SCARA5: variants seen among roughly 807,000 people sequenced by gnomAD.
The protein encoded by SCARA5 is scavenger receptor class A member 5.
SCARA5 carries 45 observed loss-of-function variants against 46.3 expected under a neutral mutation model. That is an observed-to-expected ratio of 0.97 (90% CI 0.76 to 1.24). The LOEUF (loss-of-function observed/expected upper bound fraction) is 1.24. Ranked by LOEUF, SCARA5 falls within the 50% of genes most tolerant of loss-of-function variation. SCARA5 has a pLI of 0.00. For missense variants in SCARA5, 680 were observed against 689.0 expected (o/e 0.99, Z 0.15); for synonymous variants, 333 against 306.5 (o/e 1.09, Z -0.90).
intron 7 of SCARA5, among the ~76,000 whole-genome samples, chr8:27,885,737 C>T (rs1480879892): frequency 6.6e-6 from 1 of 152,138 alleles, no homozygotes; most frequent in Admixed American, 6.5e-5. Flanking sequence ...GATTCTGGAC[C>T]CAGAGCTCAG....
intron 3 of SCARA5, among the ~76,000 whole-genome samples, chr8:27,965,766 GC>G (rs1386546808): frequency 6.6e-6 from 1 of 152,208 alleles, no homozygotes; most frequent in Non-Finnish European, 1.5e-5. Context: ...GACCACTACA[GC>G]CATCTGCTTC....
intron 1 of SCARA5, 50 bp downstream of exon 1, chr8:27,992,206 CT>C (rs934065021): frequency 6.6e-6 from 1 of 152,320 alleles, no homozygotes; most frequent in African/African-American, 2.4e-5. Context: ...CTCCAGCTGT[CT>C]TTGAGACAGC....
intron 4 of SCARA5, among the ~76,000 whole-genome samples, chr8:27,914,922 C>A (rs1214298854): frequency 6.6e-6 from 1 of 152,188 alleles, no homozygotes; most frequent in Non-Finnish European, 1.5e-5. Flanking sequence ...CATGCCTTCT[C>A]CCTTCCCTGA....
At chr8:27,965,100 G>C (rs1808348206) in intron 3 of SCARA5, among the ~76,000 whole-genome samples, 1 of 152,276 alleles carries the variant, frequency 6.6e-6, no homozygotes, top group South Asian at 2.1e-4. Flanking sequence ...CGTTGTTGCT[G>C]TTGGCTGCCC....
At chr8:27,984,953 A>T (rs981913592) in intron 2 of SCARA5, among the ~76,000 whole-genome samples, 4 of 152,054 alleles carry the variant, frequency 2.6e-5, no homozygotes, top group Non-Finnish European at 4.4e-5. Flanking sequence ...TCATTCATCC[A>T]TCTATCCATT....
Position 27,892,358 on chromosome 8 carries a change from T to C in SCARA5, c.1153+12420A>G, listed in dbSNP as rs188186846. Among the ~76,000 whole-genome samples, 2 of 152,126 alleles carry C rather than the reference T, an allele frequency of 1.3e-5. 1 individual carries two copies. The highest frequency in any genetic ancestry group is 2.9e-5 in the Non-Finnish European group (2 of 67,996). Reference sequence around the variant, plus strand: ...CATTACTTGAAATGACCCGGATGAGTCTCTGGTTCTTGGGACTGGAAAAGC... The same window carrying C: ...CATTACTTGAAATGACCCGGATGAGCCTCTGGTTCTTGGGACTGGAAAAGC... On this transcript the variant is annotated intron_variant, in intron 7 of 8. Transcript: ENST00000354914.
intron 8 of SCARA5, among the ~76,000 whole-genome samples, chr8:27,874,371 G>A (rs1806690244): frequency 6.6e-6 from 1 of 152,216 alleles, no homozygotes; most frequent in South Asian, 2.1e-4. Context: ...GGCCTCTCAT[G>A]TTCGGCCAGT....
rs143697875 is a variant in SCARA5, at chr8:27,875,917, C to T, written c.1351+3652G>A. On this transcript the variant is annotated intron_variant, in intron 8 of 8. Transcript: ENST00000354914. Reference sequence around the variant, plus strand: ...TCAGGAGGCTGAGGCAGGAGGATTGCTTGAGCCTGGGAGGTCGAGGCTGCA... The same window carrying T: ...TCAGGAGGCTGAGGCAGGAGGATTGTTTGAGCCTGGGAGGTCGAGGCTGCA... Among the ~76,000 whole-genome samples the T allele has an allele frequency of 1.5e-3, 235 of 152,270 alleles. 1 individual carries two copies. Among genetic ancestry groups the T allele is most frequent in the African/African-American group, 5.3e-3 (221 of 41,548 alleles).
At chr8:27,933,720 A>C (rs956220782) in intron 3 of SCARA5, among the ~76,000 whole-genome samples, 1 of 152,198 alleles carries the variant, frequency 6.6e-6, no homozygotes, top group Non-Finnish European at 1.5e-5. Flanking sequence ...ATTATTAGGA[A>C]AATTTTCAAA....
At chr8:27,907,012 A>C in intron 6 of SCARA5, 136 bp downstream of exon 6, 1 of 553,252 alleles carries the variant, frequency 1.8e-6, no homozygotes, top group Admixed American at 3.0e-5. Flanking sequence ...TGCTTTAACA[A>C]GATGAAGAGA....
At chr8:27,904,220 G>T (rs1807213907) in intron 7 of SCARA5, 3 of 154,868 alleles carry the variant, frequency 1.9e-5, no homozygotes, top group Admixed American at 1.9e-4. Flanking sequence ...ATGCCACTTT[G>T]TCTCTGCACC....
intron 2 of SCARA5, among the ~76,000 whole-genome samples, chr8:27,974,179 C>T (rs34806597): frequency 0.19 from 29,504 of 152,068 alleles, 3,266 homozygotes; most frequent in Non-Finnish European, 0.26. Context: ...CACAGTGCTT[C>T]GGGGGAAAAG....
chr8:27,944,523 C>T (rs983882248), intron 3 of SCARA5, among the ~76,000 whole-genome samples: 47 of 152,168 alleles, frequency 3.1e-4, no homozygotes, highest in African/African-American at 1.1e-3. Context: ...ATATAGCACT[C>T]TTTATAGCTT....
intron 2 of SCARA5, among the ~76,000 whole-genome samples, chr8:27,968,944 T>C (rs1330429579): frequency 6.6e-6 from 1 of 152,220 alleles, no homozygotes; most frequent in African/African-American, 2.4e-5. Context: ...AACACAGACC[T>C]TCCTTTGAGA....
intron 3 of SCARA5, among the ~76,000 whole-genome samples, chr8:27,941,239 G>T (rs1419180107): frequency 1.3e-5 from 2 of 152,174 alleles, no homozygotes; most frequent in African/African-American, 4.8e-5. Context: ...TTTAGATTTA[G>T]AATAGACTCT....
At chr8:27,873,722 A>C (rs1423481017) in intron 8 of SCARA5, among the ~76,000 whole-genome samples, 1 of 152,222 alleles carries the variant, frequency 6.6e-6, no homozygotes, top group East Asian at 1.9e-4. Context: ...GAAAAAAAAG[A>C]AAGAAAGGCA....
chr8:27,924,384 G>A (rs755525851), intron 3 of SCARA5, among the ~76,000 whole-genome samples: 37 of 152,228 alleles, frequency 2.4e-4, no homozygotes, highest in Non-Finnish European at 5.0e-4. Flanking sequence ...GCCATGGAAA[G>A]ATCAGCTGTT....
chr8:27,945,557 G>T (rs932465580), intron 3 of SCARA5, among the ~76,000 whole-genome samples: 1 of 152,152 alleles, frequency 6.6e-6, no homozygotes, highest in African/African-American at 2.4e-5. Flanking sequence ...ACTACATAAA[G>T]ATTTATGAAG....
At chr8:27,937,378 G>A (rs1260823118) in intron 3 of SCARA5, among the ~76,000 whole-genome samples, 2 of 152,194 alleles carry the variant, frequency 1.3e-5, no homozygotes, top group Non-Finnish European at 2.9e-5. Context: ...GGACAGGAGT[G>A]GGCAGGTAAG....
Sources: gnomAD v4.1 joint callset for allele counts (sites outside exome capture counted in the v4.1 genomes callset) on GRCh38, gnomAD v4.1.1 for gene constraint, MANE v1.5 for transcripts, NCBI Gene and HGNC (gene_info 2026-07-23, HGNC 2026-07-21) for gene names.